Variants in GTF3C1 observed in about 807,000 individuals in gnomAD.
The protein encoded by GTF3C1 is general transcription factor IIIC subunit 1, also known as general transcription factor 3C polypeptide 1.
Under a neutral mutation model 226.7 loss-of-function variants are expected in GTF3C1, and 57 were observed. The ratio of observed to expected loss-of-function variants is 0.25; its 90% CI spans 0.20 to 0.31. The LOEUF (loss-of-function observed/expected upper bound fraction) is 0.31. Among genes scored for constraint, GTF3C1 ranks in the 10% least tolerant of loss-of-function variants. The pLI, the probability that GTF3C1 is intolerant of heterozygous loss-of-function variation, is 1.00. For missense variants in GTF3C1, 2,217 were observed against 2,776.1 expected, an observed-to-expected ratio of 0.80 and a Z score of 4.53; for synonymous variants, 1,090 against 1,084.8, an observed-to-expected ratio of 1.00 and a Z score of -0.09.
chr16:27,533,679 T>C (rs1344373955), intron 4 of GTF3C1, among the ~76,000 whole-genome samples: 1 of 152,228 alleles, frequency 6.6e-6, no homozygotes, highest in East Asian at 1.9e-4. Context: ...CCTTTCATTT[T>C]TACAATACTT....
intron 27 of GTF3C1, 126 bp from the exon 28 acceptor site, chr16:27,478,657 A>G: frequency 1.3e-6 from 1 of 763,550 alleles, no homozygotes. Flanking sequence ...TAAACTCACC[A>G]AATGTCGAGT....
chr16:27,549,631 GCCC>G, intron 1 of GTF3C1, 36 bp downstream of exon 1: 159 of 691,824 alleles, frequency 2.3e-4, no homozygotes, highest in Non-Finnish European at 3.6e-4. Context: ...CGGGCCCTGC[GCCC>G]GCCCGCCCGC....
intron 1 of GTF3C1, among the ~76,000 whole-genome samples, chr16:27,548,016 C>T (rs1450030355): frequency 6.6e-6 from 1 of 152,200 alleles, no homozygotes. Flanking sequence ...TGACTTTTAG[C>T]ATGCCACTTG....
Position 27,462,234 on chromosome 16 carries a change from C to G in GTF3C1, c.6117+60G>C. On this transcript the variant is annotated intron_variant, in intron 36 of 36. Transcript: ENST00000356183. The surrounding 1 kb of genome is among the most constrained non-coding windows in gnomAD (Gnocchi z 4.5). The stretch of plus-strand genomic sequence containing the variant: ...TTGCCTGGGGCCTGAACATCACAGC[C>G]GGGCCACTGAGTGCACCCAGCCGCC... 3.3e-6 allele frequency: 4 copies of G among 1,221,198 alleles called. No individual in the cohort carries two copies. Among genetic ancestry groups the G allele is most frequent in the Non-Finnish European group, 4.6e-6 (4 of 867,712 alleles). The allele number at this position is 1,221,198 out of a possible 1,614,324, so 75.6% of individuals were successfully genotyped here. A position where few individuals can be genotyped will look rare whatever the true frequency, so the allele number is the denominator to read the frequency against.
rs2087741679 is a variant in GTF3C1, at chr16:27,463,883, A to T, written c.5873-291T>A. On this transcript the variant is annotated intron_variant, in intron 34 of 36. Transcript: ENST00000356183. The surrounding 1 kb of genome is among the most constrained non-coding windows in gnomAD (Gnocchi z 4.9). ...TTTTCCACCCAGAAGCCCCGACCAC[A>T]AGGGTGGTATAAAACCCGAGGCAAA... The T allele has an allele frequency of 2.1e-6, 1 of 474,860 alleles. No individual in the cohort carries two copies. Among genetic ancestry groups the T allele is most frequent in the African/African-American group, 2.0e-5 (1 of 49,502 alleles). The allele number at this position is 474,860 out of a possible 1,614,324, so 29.4% of individuals were successfully genotyped here.
intron 5 of GTF3C1, among the ~76,000 whole-genome samples, chr16:27,531,907 T>C (rs1385517759): frequency 1.3e-5 from 2 of 152,112 alleles, no homozygotes; most frequent in African/African-American, 4.8e-5. Flanking sequence ...GATTTTCTAC[T>C]CTGATAAACT....
At chr16:27,465,230 G>A (rs1409640929) in intron 33 of GTF3C1, 30 bp downstream of exon 33, 5 of 1,606,252 alleles carry the variant, frequency 3.1e-6, no homozygotes, top group South Asian at 1.1e-5. Flanking sequence ...CCGCTTCGGT[G>A]ATATCCGGCT....
At chr16:27,526,688 A>G (rs540363511) in intron 6 of GTF3C1, among the ~76,000 whole-genome samples, 1 of 152,268 alleles carries the variant, frequency 6.6e-6, no homozygotes, top group Non-Finnish European at 1.5e-5. Context: ...GAGCACCCAA[A>G]TGTCATCACC....
At chr16:27,477,212 C>T (rs2087963084) in intron 28 of GTF3C1, among the ~76,000 whole-genome samples, 1 of 152,234 alleles carries the variant, frequency 6.6e-6, no homozygotes, top group Admixed American at 6.5e-5. Context: ...CCCTCCTCTT[C>T]CTCTGTCCCT....
rs114463076 is a variant in GTF3C1, at chr16:27,532,159, A to G, written c.849+1132T>C. Among the ~76,000 whole-genome samples the G allele has an allele frequency of 6.7e-3, 1,017 of 152,318 alleles. 15 individuals are homozygous for G. Among genetic ancestry groups the G allele is most frequent in the African/African-American group, 0.023 (975 of 41,568 alleles). On this transcript the variant is annotated intron_variant, in intron 5 of 36. Transcript: ENST00000356183. Reference sequence around the variant, plus strand: ...TTTTTATGGAAAGTCTCAATTTCTTAAAAAATGCTAGGTCAAATTTATTTT... The same window carrying G: ...TTTTTATGGAAAGTCTCAATTTCTTGAAAAATGCTAGGTCAAATTTATTTT...
chr16:27,522,711 T>C (rs1241552229), intron 6 of GTF3C1, among the ~76,000 whole-genome samples: 1 of 152,264 alleles, frequency 6.6e-6, no homozygotes, highest in Non-Finnish European at 1.5e-5. Flanking sequence ...TTCTTAATAC[T>C]GTGAAGTCTT....
chr16:27,506,697 A>G (rs2088490328), intron 9 of GTF3C1, 150 bp downstream of exon 9: 1 of 596,810 alleles, frequency 1.7e-6, no homozygotes, highest in Non-Finnish European at 3.0e-6. Context: ...CTCCAAACCC[A>G]TGATGATGTG....
intron 11 of GTF3C1, among the ~76,000 whole-genome samples, chr16:27,502,212 C>A (rs939461407): frequency 6.6e-6 from 1 of 152,180 alleles, no homozygotes; most frequent in African/African-American, 2.4e-5. Flanking sequence ...ATGGTCCCTA[C>A]CCCCTCCCAT....
At chr16:27,480,117 C>T (rs997566183) in intron 27 of GTF3C1, among the ~76,000 whole-genome samples, 4 of 149,396 alleles carry the variant, frequency 2.7e-5, no homozygotes, top group Non-Finnish European at 4.4e-5. Flanking sequence ...AGGAGAATGA[C>T]GTGAACCTGG....
At chr16:27,472,068 G>A in intron 29 of GTF3C1, 148 bp from the exon 30 acceptor site, 1 of 654,830 alleles carries the variant, frequency 1.5e-6, no homozygotes, top group South Asian at 1.8e-5. Context: ...GTGTGTCAGT[G>A]AGTGTGTGTG....
intron 6 of GTF3C1, among the ~76,000 whole-genome samples, chr16:27,526,535 A>C (rs1021229582): frequency 6.6e-6 from 1 of 152,242 alleles, no homozygotes; most frequent in Non-Finnish European, 1.5e-5. Flanking sequence ...AGCCCTATCC[A>C]TACTTACGCT....
At chr16:27,516,131 G>A (rs1220531942) in intron 6 of GTF3C1, among the ~76,000 whole-genome samples, 1 of 152,202 alleles carries the variant, frequency 6.6e-6, no homozygotes, top group Non-Finnish European at 1.5e-5. Context: ...TCAAGGTGGC[G>A]GGCCCCCCCT....
At chr16:27,533,251 G>A in intron 5 of GTF3C1, 40 bp downstream of exon 5, 4 of 1,011,902 alleles carry the variant, frequency 4.0e-6, no homozygotes, top group Non-Finnish European at 6.3e-6. Flanking sequence ...CTATGGTACA[G>A]ATCACACCCA....
Position 27,492,549 on chromosome 16 carries a change from T to C in GTF3C1, c.2974-34A>G, listed in dbSNP as rs1178534805. The C allele has an allele frequency of 1.0e-5, 16 of 1,579,414 alleles. No individual in the cohort carries two copies. Among genetic ancestry groups the C allele is most frequent in the Middle Eastern group, 1.7e-4 (1 of 6,014 alleles). ...AGACACCAGACAGGGAGAACCCACA[T>C]TGGGTCTGGCTGCTTGGAGACCGTT... On this transcript the variant is annotated intron_variant, in intron 18 of 36. Coordinates refer to ENST00000356183, the MANE Select transcript of GTF3C1 (RefSeq NM_001520.4). This position sits in a 1 kb window ranked among gnomAD's most constrained non-coding sequence, Gnocchi z 5.0.
Sources: gnomAD v4.1 joint callset for allele counts (sites outside exome capture counted in the v4.1 genomes callset) on GRCh38, gnomAD v4.1.1 for gene constraint, Gnocchi (gnomAD v3.1) non-coding constraint, MANE v1.5 for transcripts, NCBI Gene and HGNC (gene_info 2026-07-23, HGNC 2026-07-21) for gene names.